Variants in BAZ2B observed in about 807,000 individuals in gnomAD.
BAZ2B encodes the protein bromodomain adjacent to zinc finger domain 2B.
A neutral mutation model predicts 246.0 loss-of-function variants in BAZ2B; 91 were observed. The ratio of observed to expected loss-of-function variants is 0.37; its 90% CI spans 0.31 to 0.44. BAZ2B has a LOEUF of 0.44. Among genes scored for constraint, BAZ2B ranks in the 20% least tolerant of loss-of-function variants. BAZ2B has a pLI of 1.00. For missense variants in BAZ2B, 2,332 were observed against 2,533.7 expected (o/e 0.92, Z 1.71); for synonymous variants, 855 against 860.0 (o/e 0.99, Z 0.10).
At chr2:159,691,023 G>A in the BAZ2B span, among the ~76,000 whole-genome samples, 6 of 151,936 alleles carry the variant, frequency 3.9e-5, no homozygotes, top group African/African-American at 1.2e-4. Context: ...GTGTGTGTGT[G>A]TATATATACA....
At chr2:159,459,945 T>G (rs1209396476) in intron 3 of BAZ2B, 1 of 152,102 alleles carries the variant, frequency 6.6e-6, no homozygotes, top group East Asian at 1.9e-4. Context: ...GACCACAATT[T>G]TTTGCAGATA....
intron 1 of BAZ2B, among the ~76,000 whole-genome samples, chr2:159,560,588 G>A (rs973217926): frequency 2.7e-4 from 37 of 137,402 alleles, no homozygotes; most frequent in Admixed American, 1.4e-3. Flanking sequence ...TTTTTTTTTC[G>A]AGACAGAGTC....
chr2:159,442,191 G>A lies in BAZ2B; in HGVS notation c.697-2979C>T, dbSNP rs151223317. Among the ~76,000 whole-genome samples, 38 of 152,282 alleles carry A rather than the reference G, an allele frequency of 2.5e-4. No homozygotes were observed. In the East Asian group the frequency reaches 6.2e-3, roughly 25 times the overall value. On this transcript the variant is annotated intron_variant, in intron 6 of 36. Coordinates refer to ENST00000392783, the MANE Select transcript of BAZ2B (RefSeq NM_013450.4). ...TGTAGTCAGCAGGTAAGACATTTCT[G>A]AGCTGAGACCTAAGGGAGAGCAAGA...
In BAZ2B at chr2:159,374,771, C is replaced by T. The variant is rs2061239801; in HGVS notation, c.4006-18G>A. On this transcript the variant is annotated intron_variant, in intron 25 of 36. Transcript: ENST00000392783. ...CCTTCATCCTATACATAAGAAAATA[C>T]AGTGTCATTTATCTGTTTTAAGATT... The T allele has an allele frequency of 1.2e-6, 2 of 1,600,328 alleles. No homozygotes were observed. Among genetic ancestry groups the T allele is most frequent in the East Asian group, 4.5e-5 (2 of 44,684 alleles).
chr2:159,492,415 C>T (rs1417783605), intron 2 of BAZ2B, among the ~76,000 whole-genome samples: 1 of 152,206 alleles, frequency 6.6e-6, no homozygotes, highest in East Asian at 1.9e-4. Context: ...ATCACTGTCT[C>T]TTTCACTGCA....
In BAZ2B at chr2:159,495,445, T is replaced by A. The variant is rs867128846; in HGVS notation, c.-2-16724A>T. On this transcript the variant is annotated intron_variant, in intron 2 of 36. Transcript: ENST00000392783. ...GCTTGCAGTGAGCCGAGATCGCGCC[T>A]CTGCACTCCAGCCTGGGCGACAGAG... Among the ~76,000 whole-genome samples the A allele has an allele frequency of 2.5e-3, 290 of 116,372 alleles. 1 individual carries two copies. Among genetic ancestry groups the A allele is most frequent in the Middle Eastern group, 8.2e-3 (1 of 122 alleles). The allele number at this position is 116,372 out of a possible 152,430, so 76.3% of individuals were successfully genotyped here. A position where few individuals can be genotyped will look rare whatever the true frequency, so the allele number is the denominator to read the frequency against.
chr2:159,396,959 C>A, intron 19 of BAZ2B: 1 of 762,894 alleles, frequency 1.3e-6, no homozygotes, highest in Non-Finnish European at 1.9e-6. Flanking sequence ...TAAAGCCATG[C>A]AGCAGTATGT....
the BAZ2B span, among the ~76,000 whole-genome samples, chr2:159,639,800 C>T: frequency 6.6e-6 from 1 of 151,792 alleles, no homozygotes; most frequent in Non-Finnish European, 1.5e-5. Context: ...AACAAATAAA[C>T]AAACAAACCA....
At chr2:159,384,018 A>T (rs373691355) in intron 23 of BAZ2B, among the ~76,000 whole-genome samples, 53 of 152,158 alleles carry the variant, frequency 3.5e-4, no homozygotes, top group African/African-American at 1.3e-3. Context: ...TAATTTCCAA[A>T]ATCAAAGCAG....
At position 159,429,353 on chromosome 2, in the gene BAZ2B, T is replaced by A. The variant is rs546016418; in HGVS notation, c.2195-93A>T. 32 of 706,868 alleles carry A rather than the reference T, an allele frequency of 4.5e-5. No homozygotes were observed. In the East Asian group the frequency reaches 7.4e-4, roughly 16 times the overall value. 43.8% of individuals were successfully genotyped at this position (706,868 alleles called of 1,614,324 possible). ...AAACTTTTCTTTAAAAAAGTATATG[T>A]TAATAACTTGGATTTAGTGTATTTC... On this transcript the variant is annotated intron_variant, in intron 10 of 36. Coordinates refer to ENST00000392783, the MANE Select transcript of BAZ2B (RefSeq NM_013450.4).
chr2:159,542,631 T>C (rs2086798224), intron 2 of BAZ2B, among the ~76,000 whole-genome samples: 1 of 152,020 alleles, frequency 6.6e-6, no homozygotes, highest in Non-Finnish European at 1.5e-5. Context: ...AGTAAGATCC[T>C]GTCTCTAAAA....
At chr2:159,451,876 T>G (rs1221959167) in intron 4 of BAZ2B, among the ~76,000 whole-genome samples, 1 of 152,164 alleles carries the variant, frequency 6.6e-6, no homozygotes, top group South Asian at 2.1e-4. Flanking sequence ...AGTATTTACA[T>G]TGTGGCTTAG....
intron 6 of BAZ2B, among the ~76,000 whole-genome samples, chr2:159,445,589 C>T (rs1050790619): frequency 6.6e-6 from 1 of 152,134 alleles, no homozygotes; most frequent in South Asian, 2.1e-4. Context: ...TGGCTGGGAA[C>T]CTGTCAGCTA....
chr2:159,600,814 C>T (rs543370079), intron 1 of BAZ2B, among the ~76,000 whole-genome samples: 1 of 152,290 alleles, frequency 6.6e-6, no homozygotes, highest in African/African-American at 2.4e-5. Flanking sequence ...CACATGTTTG[C>T]AGAGCAGAAA....
At chr2:159,604,749 A>G (rs1693002079) in intron 1 of BAZ2B, among the ~76,000 whole-genome samples, 1 of 152,192 alleles carries the variant, frequency 6.6e-6, no homozygotes, top group South Asian at 2.1e-4. Flanking sequence ...GTTGATGGGA[A>G]GTTGGGCCTT....
At chr2:159,624,758 C>T in the BAZ2B span, among the ~76,000 whole-genome samples, 1 of 152,106 alleles carries the variant, frequency 6.6e-6, no homozygotes, top group African/African-American at 2.4e-5. Flanking sequence ...ATTCCAAAGA[C>T]CAGAATGCCT....
At chr2:159,438,983 G>C in intron 7 of BAZ2B, 26 bp downstream of exon 7, 1 of 1,600,552 alleles carries the variant, frequency 6.2e-7, no homozygotes, top group East Asian at 2.2e-5. Context: ...ATAATGTTTG[G>C]ATACTGTCCA....
At chr2:159,421,709 T>C (rs946097910) in intron 13 of BAZ2B, among the ~76,000 whole-genome samples, 4 of 152,028 alleles carry the variant, frequency 2.6e-5, no homozygotes, top group East Asian at 3.8e-4. Flanking sequence ...CCCAGAAATA[T>C]CTTGAATCAA....
At chr2:159,702,380 T>A in the BAZ2B span, among the ~76,000 whole-genome samples, 1 of 152,346 alleles carries the variant, frequency 6.6e-6, no homozygotes, top group South Asian at 2.1e-4. Context: ...TATTAAAATT[T>A]AACTTAAAAA....
Sources: gnomAD v4.1 joint callset for allele counts (sites outside exome capture counted in the v4.1 genomes callset) on GRCh38, gnomAD v4.1.1 for gene constraint, MANE v1.5 for transcripts, NCBI Gene and HGNC (gene_info 2026-07-23, HGNC 2026-07-21) for gene names.